Variants in TMEM108 observed in about 807,000 individuals in gnomAD.
TMEM108 encodes transmembrane protein 108.
In TMEM108, 12 loss-of-function variants were observed where a neutral mutation model predicts 35.1. That is an observed-to-expected ratio of 0.34 (90% CI 0.22 to 0.55). The LOEUF (loss-of-function observed/expected upper bound fraction) is 0.55. Among genes scored for constraint, TMEM108 ranks in the 20% least tolerant of loss-of-function variants. The pLI, the probability that TMEM108 is intolerant of heterozygous loss-of-function variation, is 0.89. For synonymous variants in TMEM108, 287 were observed against 308.6 expected (o/e 0.93, Z 0.73); for missense variants, 680 against 753.3 (o/e 0.90, Z 1.14).
At chr3:133,042,840 A>T (rs2030444) in intron 1 of TMEM108, among the ~76,000 whole-genome samples, 1 of 152,018 alleles carries the variant, frequency 6.6e-6, no homozygotes, top group African/African-American at 2.4e-5. Context: ...CCCTTCTCCA[A>T]TGCTGCTTTA....
At chr3:133,061,465 G>A (rs1479109334) in intron 2 of TMEM108, among the ~76,000 whole-genome samples, 4 of 151,826 alleles carry the variant, frequency 2.6e-5, no homozygotes, top group Non-Finnish European at 2.9e-5. Context: ...CTCCCGCCTC[G>A]GCCTCCCAAA....
At chr3:133,208,112 A>G (rs999773511) in intron 2 of TMEM108, among the ~76,000 whole-genome samples, 1 of 152,208 alleles carries the variant, frequency 6.6e-6, no homozygotes, top group Non-Finnish European at 1.5e-5. Context: ...TGTGTAAAGC[A>G]GGGGTTCCCA....
Position 133,046,257 on chromosome 3 carries a change from T to C in TMEM108, c.-47+237T>C, listed in dbSNP as rs150329277. On this transcript the variant is annotated intron_variant, in intron 2 of 5. Transcript: ENST00000321871. ...GGAAATATTTCAAAACAGGAGTTTT[T>C]AGTGAGTTCGTTTAGGGTGTGATTT... is the stretch of plus-strand genomic sequence containing the variant. 1.0e-3 allele frequency among the ~76,000 whole-genome samples: 152 copies of C among 152,304 alleles called. 1 individual carries two copies. The highest frequency in any genetic ancestry group is 3.4e-3 in the Middle Eastern group (1 of 294).
At chr3:133,116,637 C>T (rs1025580498) in intron 2 of TMEM108, among the ~76,000 whole-genome samples, 17 of 152,180 alleles carry the variant, frequency 1.1e-4, no homozygotes, top group African/African-American at 4.1e-4. Context: ...ATCATCAAAT[C>T]CAGTCAAGTT....
In TMEM108 at chr3:133,215,119, AGTAT is replaced by A. The variant is rs1945887697; in HGVS notation, c.-46-14143_-46-14140del. On this transcript the variant is annotated intron_variant, in intron 2 of 5. Coordinates refer to ENST00000321871, the MANE Select transcript of TMEM108 (RefSeq NM_023943.4). ...TCTCACAAACTTTTATCAACTGATCAGTATGTACCCTTCTTTTATGTGTTTCTGA... is the reference window on the plus strand; with the variant it reads ...TCTCACAAACTTTTATCAACTGATCAGTACCCTTCTTTTATGTGTTTCTGA... Among the ~76,000 whole-genome samples the A allele has an allele frequency of 2.0e-5, 3 of 152,164 alleles. No homozygotes were observed. In the South Asian group the frequency reaches 6.2e-4, roughly 31 times the overall value.
chr3:133,094,217 T>TCCCCCCCCCCCCCC (rs1576314941), intron 2 of TMEM108, among the ~76,000 whole-genome samples: 15 of 41,390 alleles, frequency 3.6e-4, no homozygotes, highest in East Asian at 8.1e-4. Context: ...CCTTCCCACC[T>TCCCCCCCCCCCCCC]CCCACCCCAC....
chr3:133,309,997 G>A (rs570906028), intron 3 of TMEM108, among the ~76,000 whole-genome samples: 6 of 152,170 alleles, frequency 3.9e-5, no homozygotes, highest in African/African-American at 1.4e-4. Context: ...ACCGCGCCCG[G>A]CCTTGAGTGA....
At chr3:133,225,603 TA>T (rs1266314025) in intron 2 of TMEM108, among the ~76,000 whole-genome samples, 3 of 152,068 alleles carry the variant, frequency 2.0e-5, no homozygotes, top group Non-Finnish European at 1.5e-5. Flanking sequence ...CCCAAATTAA[TA>T]AAGCAAATAG....
intron 2 of TMEM108, among the ~76,000 whole-genome samples, chr3:133,159,642 C>A (rs369688483): frequency 2.6e-5 from 4 of 152,188 alleles, no homozygotes; most frequent in African/African-American, 7.2e-5. Flanking sequence ...ACTTACTTCT[C>A]ATAGCCCTGT....
chr3:133,395,411 G>GAAAA (rs1330015807), intron 5 of TMEM108, among the ~76,000 whole-genome samples: 2 of 152,186 alleles, frequency 1.3e-5, no homozygotes, highest in East Asian at 3.8e-4. Context: ...ATTCAGGAAG[G>GAAAA]AAAAGCAGAG....
chr3:133,243,551 C>T (rs1032948992), intron 3 of TMEM108, among the ~76,000 whole-genome samples: 58 of 151,504 alleles, frequency 3.8e-4, no homozygotes, highest in Non-Finnish European at 2.4e-4. Context: ...GACGGAGTCT[C>T]GTTCTGTCAC....
chr3:133,067,852 G>A (rs1272079846), intron 2 of TMEM108, among the ~76,000 whole-genome samples: 1 of 151,948 alleles, frequency 6.6e-6, no homozygotes, highest in African/African-American at 2.4e-5. Flanking sequence ...AGGAACAGAA[G>A]TTTACTTGTC....
intron 2 of TMEM108, among the ~76,000 whole-genome samples, chr3:133,144,012 G>A (rs1477162399): frequency 6.8e-6 from 1 of 148,092 alleles, no homozygotes; most frequent in South Asian, 2.1e-4. Context: ...TGGGGTACAT[G>A]TGCAGAACGT....
At chr3:133,144,469 A>G (rs1349247598) in intron 2 of TMEM108, among the ~76,000 whole-genome samples, 1 of 152,122 alleles carries the variant, frequency 6.6e-6, no homozygotes, top group African/African-American at 2.4e-5. Context: ...ATGATTTATA[A>G]TCCTTTGGGT....
intron 3 of TMEM108, among the ~76,000 whole-genome samples, chr3:133,243,467 T>C: frequency 6.8e-6 from 1 of 148,030 alleles, no homozygotes; most frequent in East Asian, 2.0e-4. Flanking sequence ...AGGAAAAATG[T>C]TCATATTTCA....
chr3:133,359,240 A>T (rs1187958891), intron 3 of TMEM108, among the ~76,000 whole-genome samples: 1 of 152,224 alleles, frequency 6.6e-6, no homozygotes, highest in Non-Finnish European at 1.5e-5. Flanking sequence ...AGAAAATTCT[A>T]TAGTCAAATC....
At chr3:133,172,124 G>T (rs76444752) in intron 2 of TMEM108, among the ~76,000 whole-genome samples, 3,593 of 152,206 alleles carry the variant, frequency 0.024, 154 homozygotes, top group African/African-American at 0.081. Flanking sequence ...CGCTCACAGG[G>T]ATGCAATTGT....
chr3:133,059,643 T>C (rs1943514003), intron 2 of TMEM108, among the ~76,000 whole-genome samples: 1 of 152,202 alleles, frequency 6.6e-6, no homozygotes, highest in African/African-American at 2.4e-5. Context: ...CTCTGTATAG[T>C]GTATTCTCAG....
At chr3:133,205,531 T>C (rs1484375334) in intron 2 of TMEM108, among the ~76,000 whole-genome samples, 1 of 152,212 alleles carries the variant, frequency 6.6e-6, no homozygotes, top group Non-Finnish European at 1.5e-5. Flanking sequence ...TTTGCTTGTC[T>C]GTAAAGGATT....
Sources: allele counts gnomAD v4.1 joint callset (sites outside exome capture counted in the v4.1 genomes callset), GRCh38; gene constraint gnomAD v4.1.1; transcripts MANE v1.5; gene names NCBI Gene and HGNC (gene_info 2026-07-23, HGNC 2026-07-21).